The following ZNF385D variants were observed in gnomAD, a reference collection of about 807,000 sequenced individuals.
ZNF385D encodes the protein zinc finger protein 659.
ZNF385D carries 15 observed loss-of-function variants against 35.8 expected under a neutral mutation model. That is an observed-to-expected ratio of 0.42 (90% CI 0.28 to 0.64). The LOEUF (loss-of-function observed/expected upper bound fraction) is 0.64. ZNF385D is among the 30% of genes least tolerant of loss of function. The probability of loss-of-function intolerance (pLI) is 0.23; values close to 1 mark genes in which losing one functional copy is unlikely to be tolerated. For synonymous variants in ZNF385D, 212 were observed against 186.8 expected (o/e 1.13, Z -1.10); for missense variants, 474 against 494.6 (o/e 0.96, Z 0.39).
At chr3:21,857,285 T>A (rs1301294930) in intron 3 of ZNF385D, among the ~76,000 whole-genome samples, 1 of 152,064 alleles carries the variant, frequency 6.6e-6, no homozygotes, top group Non-Finnish European at 1.5e-5. Flanking sequence ...GTCAACATGA[T>A]TGGATTGAAG....
intron 7 of ZNF385D, among the ~76,000 whole-genome samples, chr3:21,422,827 G>A (rs58964492): frequency 0.12 from 17,572 of 152,040 alleles, 1,226 homozygotes; most frequent in African/African-American, 0.18. Context: ...ATGTAATGAG[G>A]GAACACATCT....
intron 1 of ZNF385D, among the ~76,000 whole-genome samples, chr3:21,724,919 C>T (rs2125461506): frequency 6.6e-6 from 1 of 152,204 alleles, no homozygotes; most frequent in East Asian, 1.9e-4. Flanking sequence ...CTAAAATTGA[C>T]CACATAATTG....
At chr3:22,341,854 A>C (rs934858838) in intron 2 of ZNF385D, among the ~76,000 whole-genome samples, 4 of 152,228 alleles carry the variant, frequency 2.6e-5, no homozygotes, top group Non-Finnish European at 2.9e-5. Flanking sequence ...TAAATAACTT[A>C]TATTAATGCC....
At chr3:21,659,289 ATT>A (rs1347407874) in intron 2 of ZNF385D, among the ~76,000 whole-genome samples, 1 of 152,138 alleles carries the variant, frequency 6.6e-6, no homozygotes, top group Admixed American at 6.6e-5. Context: ...AAGTAGTCAC[ATT>A]TTTCAATATA....
chr3:21,452,780 A>G (rs1161584167), intron 4 of ZNF385D, among the ~76,000 whole-genome samples: 1 of 152,010 alleles, frequency 6.6e-6, no homozygotes, highest in African/African-American at 2.4e-5. Flanking sequence ...TGGCAATACT[A>G]TCTAAATTAG....
chr3:21,588,533 A>C (rs901858559), intron 2 of ZNF385D, among the ~76,000 whole-genome samples: 1 of 152,126 alleles, frequency 6.6e-6, no homozygotes, highest in South Asian at 2.1e-4. Flanking sequence ...CCTTATAGAG[A>C]TAACATATAC....
intron 2 of ZNF385D, among the ~76,000 whole-genome samples, chr3:22,203,112 C>T (rs7610614): frequency 0.13 from 19,180 of 151,948 alleles, 1,284 homozygotes; most frequent in Middle Eastern, 0.18. Context: ...CAGTGCAGCT[C>T]ACAGCTCCAA....
At chr3:21,534,396 C>T (rs1016999757) in intron 3 of ZNF385D, among the ~76,000 whole-genome samples, 11 of 151,936 alleles carry the variant, frequency 7.2e-5, no homozygotes, top group Admixed American at 5.2e-4. Flanking sequence ...TTAATATAAT[C>T]GCCACCACAC....
chr3:21,621,338 GATCT>G (rs771611882), intron 2 of ZNF385D, among the ~76,000 whole-genome samples: 2 of 152,054 alleles, frequency 1.3e-5, no homozygotes, highest in Non-Finnish European at 2.9e-5. Flanking sequence ...GCAATCTTTA[GATCT>G]ATCAGTTACT....
intron 4 of ZNF385D, among the ~76,000 whole-genome samples, chr3:21,489,168 A>T (rs1189660438): frequency 6.6e-6 from 1 of 152,118 alleles, no homozygotes; most frequent in Non-Finnish European, 1.5e-5. Context: ...AGTAGAGGGA[A>T]TGATTCCAAT....
intron 2 of ZNF385D, among the ~76,000 whole-genome samples, chr3:22,350,445 C>T (rs1306522316): frequency 6.6e-6 from 1 of 151,922 alleles, no homozygotes; most frequent in Non-Finnish European, 1.5e-5. Flanking sequence ...AATATATTGC[C>T]CTATTAATGA....
intron 3 of ZNF385D, among the ~76,000 whole-genome samples, chr3:22,090,252 G>T (rs1283524749): frequency 6.6e-6 from 1 of 152,160 alleles, no homozygotes; most frequent in East Asian, 1.9e-4. Context: ...GGAATATTTT[G>T]ATTTATTCCT....
intron 3 of ZNF385D, among the ~76,000 whole-genome samples, chr3:21,535,312 AT>A (rs1029140020): frequency 1.1e-4 from 16 of 152,240 alleles, no homozygotes; most frequent in African/African-American, 3.8e-4. Flanking sequence ...CACCTAATAC[AT>A]AAAAAATTCA....
At chr3:22,313,307 A>C (rs1703687184) in intron 2 of ZNF385D, among the ~76,000 whole-genome samples, 1 of 151,622 alleles carries the variant, frequency 6.6e-6, no homozygotes, top group Non-Finnish European at 1.5e-5. Flanking sequence ...CTAAATGACG[A>C]GTTAATGGGT....
chr3:22,210,875 A>G (rs1697475406), intron 2 of ZNF385D, among the ~76,000 whole-genome samples: 1 of 151,950 alleles, frequency 6.6e-6, no homozygotes, highest in Non-Finnish European at 1.5e-5. Flanking sequence ...CTAAACATCA[A>G]TTTCATCAAA....
chr3:22,158,629 G>C (rs188419696), intron 3 of ZNF385D, among the ~76,000 whole-genome samples: 204 of 151,960 alleles, frequency 1.3e-3, no homozygotes, highest in African/African-American at 4.8e-3. Flanking sequence ...AATATTTAAG[G>C]AAACTATTTA....
chr3:21,796,962 C>T (rs2072181262), intron 3 of ZNF385D, among the ~76,000 whole-genome samples: 1 of 152,172 alleles, frequency 6.6e-6, no homozygotes, highest in Non-Finnish European at 1.5e-5. Flanking sequence ...AGCTGAGTCT[C>T]TTGGAGTGGG....
chr3:21,457,009 A>G (rs112027484), intron 4 of ZNF385D, among the ~76,000 whole-genome samples: 2 of 152,154 alleles, frequency 1.3e-5, no homozygotes, highest in Non-Finnish European at 2.9e-5. Flanking sequence ...GGGTTAGTTA[A>G]CTTTGATGAC....
At chr3:21,950,322 T>C (rs1702003730) in intron 3 of ZNF385D, among the ~76,000 whole-genome samples, 1 of 151,926 alleles carries the variant, frequency 6.6e-6, no homozygotes, top group Non-Finnish European at 1.5e-5. Flanking sequence ...GATGAGCTTC[T>C]TTTCATGTTT....
Sources: allele counts gnomAD v4.1 joint callset (sites outside exome capture counted in the v4.1 genomes callset), GRCh38; gene constraint gnomAD v4.1.1; transcripts MANE v1.5; gene names NCBI Gene and HGNC (gene_info 2026-07-23, HGNC 2026-07-21).